The following IMMP2L variants were observed in gnomAD, a reference collection of about 807,000 sequenced individuals.
IMMP2L encodes mitochondrial inner membrane protease subunit 2.
IMMP2L carries 18 observed loss-of-function variants against 19.3 expected under a neutral mutation model. The observed-to-expected ratio is 0.93, with a 90% CI of 0.64 to 1.38. The LOEUF is 1.38. Ranked by LOEUF, IMMP2L falls within the 40% of genes most tolerant of loss-of-function variation. IMMP2L has a pLI of 0.00. For synonymous variants in IMMP2L, 76 were observed against 73.0 expected, an observed-to-expected ratio of 1.04 and a Z score of -0.21; for missense variants, 233 against 218.2, an observed-to-expected ratio of 1.07 and a Z score of -0.43.
At chr7:110,683,107 T>C (rs977475395) in intron 5 of IMMP2L, among the ~76,000 whole-genome samples, 1 of 152,108 alleles carries the variant, frequency 6.6e-6, no homozygotes. Flanking sequence ...TGCAGCTATT[T>C]GGGTTTTTTT....
At chr7:111,175,425 A>G (rs1806934763) in intron 3 of IMMP2L, among the ~76,000 whole-genome samples, 1 of 151,926 alleles carries the variant, frequency 6.6e-6, no homozygotes, top group African/African-American at 2.4e-5. Context: ...TAGGAGAGAT[A>G]TAAATACAGT....
At chr7:110,797,152 C>T (rs1201168236) in intron 5 of IMMP2L, among the ~76,000 whole-genome samples, 1 of 151,752 alleles carries the variant, frequency 6.6e-6, no homozygotes, top group Non-Finnish European at 1.5e-5. Context: ...GATCCTTTTC[C>T]TCAGGAAGCA....
chr7:111,421,859 G>C (rs1328535818), intron 3 of IMMP2L, among the ~76,000 whole-genome samples: 2 of 151,714 alleles, frequency 1.3e-5, no homozygotes, highest in Non-Finnish European at 2.9e-5. Context: ...TTTAGGTCTA[G>C]CATAGAAGTC....
intron 3 of IMMP2L, among the ~76,000 whole-genome samples, chr7:111,275,788 A>C (rs1818963346): frequency 6.6e-6 from 1 of 152,028 alleles, no homozygotes; most frequent in Non-Finnish European, 1.5e-5. Flanking sequence ...ATTCCTAGGC[A>C]TTTTTTAATA....
chr7:111,038,208 G>A (rs1791537229), intron 3 of IMMP2L, among the ~76,000 whole-genome samples: 1 of 152,168 alleles, frequency 6.6e-6, no homozygotes, highest in Admixed American at 6.6e-5. Flanking sequence ...CAAAGAAAGA[G>A]AGTAAGAATA....
At chr7:111,186,196 C>T (rs1013280637) in intron 3 of IMMP2L, among the ~76,000 whole-genome samples, 1 of 152,186 alleles carries the variant, frequency 6.6e-6, no homozygotes, top group East Asian at 1.9e-4. Context: ...CCAAAGGTGT[C>T]CATGATGCAA....
intron 3 of IMMP2L, among the ~76,000 whole-genome samples, chr7:111,303,299 G>A (rs528806501): frequency 1.2e-4 from 18 of 152,018 alleles, no homozygotes; most frequent in African/African-American, 7.2e-5. Context: ...AATTTATAAC[G>A]TATGAATATG....
At chr7:111,103,822 C>T (rs1443916929) in intron 3 of IMMP2L, among the ~76,000 whole-genome samples, 2 of 151,550 alleles carry the variant, frequency 1.3e-5, no homozygotes, top group Non-Finnish European at 3.0e-5. Context: ...TATCACTCAC[C>T]TTTCAGTAGA....
chr7:110,749,946 A>T (rs1797622290), intron 5 of IMMP2L, among the ~76,000 whole-genome samples: 1 of 152,156 alleles, frequency 6.6e-6, no homozygotes, highest in East Asian at 1.9e-4. Flanking sequence ...ATTAGAGCAA[A>T]CCTTTTGCAG....
chr7:111,493,700 G>C (rs1400205432), intron 2 of IMMP2L, among the ~76,000 whole-genome samples: 1 of 137,980 alleles, frequency 7.2e-6, no homozygotes, highest in Admixed American at 7.6e-5. Context: ...GCAAGACTCC[G>C]TCTCAAAAAA....
intron 4 of IMMP2L, among the ~76,000 whole-genome samples, chr7:110,930,398 C>T (rs1162085674): frequency 6.6e-6 from 1 of 151,940 alleles, no homozygotes; most frequent in Admixed American, 6.6e-5. Context: ...TTACACCACT[C>T]ATAAAAGCAA....
At chr7:111,150,841 T>C (rs1361727326) in intron 3 of IMMP2L, among the ~76,000 whole-genome samples, 1 of 152,214 alleles carries the variant, frequency 6.6e-6, no homozygotes, top group Non-Finnish European at 1.5e-5. Flanking sequence ...TCCTAGCAGA[T>C]TACTTCAGGT....
chr7:111,108,777 T>G (rs142098165), intron 3 of IMMP2L, among the ~76,000 whole-genome samples: 1 of 152,164 alleles, frequency 6.6e-6, no homozygotes, highest in Non-Finnish European at 1.5e-5. Context: ...CAATTCAGCA[T>G]TCACCAACAA....
chr7:111,111,858 T>C (rs767589340), intron 3 of IMMP2L, among the ~76,000 whole-genome samples: 38 of 150,880 alleles, frequency 2.5e-4, no homozygotes, highest in Non-Finnish European at 4.4e-4. Context: ...AAAAAATACA[T>C]GCCTTTAAGT....
At chr7:111,257,789 T>C (rs1441595806) in intron 3 of IMMP2L, among the ~76,000 whole-genome samples, 2 of 152,184 alleles carry the variant, frequency 1.3e-5, no homozygotes, top group East Asian at 3.8e-4. Flanking sequence ...TTTTCTTTTT[T>C]TTAATTACTA....
At chr7:111,444,307 T>A (rs1401806564) in intron 3 of IMMP2L, among the ~76,000 whole-genome samples, 1 of 152,164 alleles carries the variant, frequency 6.6e-6, no homozygotes, top group African/African-American at 2.4e-5. Flanking sequence ...TGCACACACA[T>A]GCACATAACA....
At chr7:111,204,266 C>T (rs1437923637) in intron 3 of IMMP2L, among the ~76,000 whole-genome samples, 1 of 152,074 alleles carries the variant, frequency 6.6e-6, no homozygotes, top group Non-Finnish European at 1.5e-5. Flanking sequence ...GAGGCATCTA[C>T]CTTTAAAATG....
chr7:111,311,666 A>T (rs1224063787), intron 3 of IMMP2L, among the ~76,000 whole-genome samples: 1 of 152,074 alleles, frequency 6.6e-6, no homozygotes, highest in Non-Finnish European at 1.5e-5. Context: ...CTAGAAACTG[A>T]GTGAGAGGCC....
At chr7:111,391,894 A>T (rs1255014628) in intron 3 of IMMP2L, 3 of 702,710 alleles carry the variant, frequency 4.3e-6, no homozygotes, top group Non-Finnish European at 7.8e-6. Flanking sequence ...GTTCTAAAGG[A>T]TGACATTGAG....
Sources: allele counts gnomAD v4.1 joint callset (sites outside exome capture counted in the v4.1 genomes callset), GRCh38; gene constraint gnomAD v4.1.1; transcripts MANE v1.5; gene names NCBI Gene and HGNC (gene_info 2026-07-23, HGNC 2026-07-21).